PTPRR: variants seen among roughly 807,000 people sequenced by gnomAD.
PTPRR encodes the protein receptor-type tyrosine-protein phosphatase R.
PTPRR carries 38 observed loss-of-function variants against 77.2 expected under a neutral mutation model. The ratio of observed to expected loss-of-function variants is 0.49; its 90% CI spans 0.38 to 0.65. PTPRR has a LOEUF of 0.65. Among genes scored for constraint, PTPRR ranks in the 30% least tolerant of loss-of-function variants. The probability of loss-of-function intolerance (pLI) is 0.00; values close to 1 mark genes in which losing one functional copy is unlikely to be tolerated. For synonymous variants in PTPRR, 299 were observed against 283.1 expected, an observed-to-expected ratio of 1.06 and a Z score of -0.57; for missense variants, 744 against 799.2, an observed-to-expected ratio of 0.93 and a Z score of 0.83.
At chr12:70,793,191 A>G (rs1891451780) in intron 2 of PTPRR, among the ~76,000 whole-genome samples, 1 of 152,242 alleles carries the variant, frequency 6.6e-6, no homozygotes. Flanking sequence ...TACTATTGAC[A>G]TCTCAATTGG....
intron 2 of PTPRR, among the ~76,000 whole-genome samples, chr12:70,791,332 T>C (rs941910895): frequency 2.0e-5 from 3 of 152,120 alleles, no homozygotes; most frequent in African/African-American, 7.2e-5. Context: ...TTAAAAACTG[T>C]CTCACTGTTA....
chr12:70,752,342 T>G (rs1291620673), intron 5 of PTPRR, among the ~76,000 whole-genome samples: 4 of 152,182 alleles, frequency 2.6e-5, no homozygotes, highest in Non-Finnish European at 4.4e-5. Flanking sequence ...CTAATAACGT[T>G]AGAGTCGACT....
At chr12:70,836,843 G>C (rs557317869) in intron 2 of PTPRR, among the ~76,000 whole-genome samples, 93 of 151,914 alleles carry the variant, frequency 6.1e-4, no homozygotes, top group Non-Finnish European at 1.2e-3. Flanking sequence ...TACACATTCA[G>C]AGAATGTTAT....
intron 8 of PTPRR, among the ~76,000 whole-genome samples, chr12:70,695,630 A>G (rs971385919): frequency 2.6e-5 from 4 of 152,330 alleles, no homozygotes; most frequent in South Asian, 2.1e-4. Flanking sequence ...ACTAATGCTA[A>G]TAATTTCCAA....
At chr12:70,741,097 G>T (rs1271667233) in intron 6 of PTPRR, among the ~76,000 whole-genome samples, 1 of 152,138 alleles carries the variant, frequency 6.6e-6, no homozygotes, top group African/African-American at 2.4e-5. Flanking sequence ...CCCAGTAACT[G>T]CTGGGAGTTA....
chr12:70,754,061 C>T (rs1207822825), intron 5 of PTPRR, 130 bp downstream of exon 5: 1 of 875,640 alleles, frequency 1.1e-6, no homozygotes, highest in Admixed American at 2.9e-5. Flanking sequence ...ATGAAATATT[C>T]CTAATCTAGC....
At chr12:70,828,809 G>A (rs1892161062) in intron 2 of PTPRR, among the ~76,000 whole-genome samples, 1 of 152,178 alleles carries the variant, frequency 6.6e-6, no homozygotes, top group South Asian at 2.1e-4. Context: ...ACTTAATGTT[G>A]ATAGTGTCGT....
intron 1 of PTPRR, among the ~76,000 whole-genome samples, chr12:70,906,285 T>C (rs1396501466): frequency 6.6e-6 from 1 of 152,016 alleles, no homozygotes; most frequent in Non-Finnish European, 1.5e-5. Context: ...TATATTTCAG[T>C]AAAAAAGAAG....
At chr12:70,757,512 G>A (rs10784868) in intron 4 of PTPRR, among the ~76,000 whole-genome samples, 69,569 of 151,914 alleles carry the variant, frequency 0.46, 17,651 homozygotes, top group African/African-American at 0.66. Context: ...AATATATAAA[G>A]GAAATAATGT....
chr12:70,918,801 C>T (rs568546462), intron 1 of PTPRR, among the ~76,000 whole-genome samples: 1 of 152,256 alleles, frequency 6.6e-6, no homozygotes, highest in Non-Finnish European at 1.5e-5. Flanking sequence ...ATGTTTGTGT[C>T]AGTCTATTAT....
At chr12:70,858,157 C>T (rs1226012202) in intron 2 of PTPRR, among the ~76,000 whole-genome samples, 1 of 151,816 alleles carries the variant, frequency 6.6e-6, no homozygotes, top group African/African-American at 2.4e-5. Context: ...GGCTACACTG[C>T]AGTGTGAGGC....
At chr12:70,793,861 C>T (rs997962693) in intron 2 of PTPRR, among the ~76,000 whole-genome samples, 2 of 152,148 alleles carry the variant, frequency 1.3e-5, no homozygotes, top group Non-Finnish European at 2.9e-5. Context: ...ATTCCCAGGA[C>T]CCTCAGTTCT....
chr12:70,645,139 A>T (rs1345292848), intron 13 of PTPRR, among the ~76,000 whole-genome samples: 1 of 152,206 alleles, frequency 6.6e-6, no homozygotes, highest in African/African-American at 2.4e-5. Context: ...AGGATGGGTC[A>T]TTAGGACTAG....
intron 10 of PTPRR, among the ~76,000 whole-genome samples, chr12:70,675,278 T>C (rs1887402161): frequency 6.6e-6 from 1 of 152,060 alleles, no homozygotes; most frequent in Non-Finnish European, 1.5e-5. Flanking sequence ...ATTTGCAAGT[T>C]ATTTGTTTAT....
chr12:70,745,047 G>A (rs1201818097), intron 6 of PTPRR, among the ~76,000 whole-genome samples: 1 of 152,100 alleles, frequency 6.6e-6, no homozygotes, highest in African/African-American at 2.4e-5. Flanking sequence ...AAAAAGGTAA[G>A]GCAACAAAAA....
chr12:70,768,368 A>G (rs1890881152), intron 2 of PTPRR, among the ~76,000 whole-genome samples: 1 of 152,364 alleles, frequency 6.6e-6, no homozygotes, highest in Middle Eastern at 3.4e-3. Context: ...CCATCAGAGA[A>G]TACTACAAAC....
intron 2 of PTPRR, among the ~76,000 whole-genome samples, chr12:70,782,339 G>T (rs1227773318): frequency 6.6e-6 from 1 of 152,014 alleles, no homozygotes; most frequent in African/African-American, 2.4e-5. Context: ...CCATTACTGG[G>T]TATATACCCA....
intron 12 of PTPRR, among the ~76,000 whole-genome samples, chr12:70,659,061 C>A (rs1300543576): frequency 6.6e-6 from 1 of 151,826 alleles, no homozygotes; most frequent in Non-Finnish European, 1.5e-5. Flanking sequence ...TTCCACCACG[C>A]CTGGCTAATT....
At position 70,892,957 on chromosome 12, in the gene PTPRR, C is replaced by A. The variant is rs753337673; in HGVS notation, c.79G>T (p.Asp27Tyr). 6.2e-7 allele frequency: 1 copy of A among 1,612,612 alleles called. No homozygotes were observed. Among genetic ancestry groups the A allele is most frequent in the Non-Finnish European group, 8.5e-7 (1 of 1,179,098 alleles). Residue 27 changes from aspartate to tyrosine, a missense_variant, in exon 2 of 14, where the codon GAT becomes TAT. Around this residue, in one of 3 missense-constraint regions of PTPRR, gnomAD observed 570 missense variants for 573.2 expected, o/e 0.99. Coordinates refer to ENST00000283228, the MANE Select transcript of PTPRR (RefSeq NM_002849.4). ...TTCTGATTAATTGCCAAAAAATGAT[C>A]ATTGTTTCCTGAAAAGCACCCTGAA... ...HAAGCFSGNN[D>Y]HFLAINQKKS...
Sources: gnomAD v4.1 joint callset for allele counts (sites outside exome capture counted in the v4.1 genomes callset) on GRCh38, gnomAD v4.1.1 for gene constraint, gnomAD v4.1.1 regional missense constraint, MANE v1.5 for transcripts, NCBI Gene and HGNC (gene_info 2026-07-23, HGNC 2026-07-21) for gene names.